The following KATNA1 variants were observed in gnomAD, a reference collection of about 807,000 sequenced individuals.
KATNA1 encodes katanin p60 ATPase-containing subunit A1.
Under a neutral mutation model 62.6 loss-of-function variants are expected in KATNA1, and 42 were observed. That is an observed-to-expected ratio of 0.67 (90% confidence interval 0.52 to 0.87). KATNA1 has a LOEUF of 0.87. Among genes scored for constraint, KATNA1 ranks in the 40% least tolerant of loss-of-function variants. KATNA1 has a pLI of 0.00. For missense variants in KATNA1, 498 were observed against 612.5 expected, an observed-to-expected ratio of 0.81 and a Z score of 1.97; for synonymous variants, 186 against 201.9, an observed-to-expected ratio of 0.92 and a Z score of 0.67.
chr6:149,640,116 C>T (rs7740278), intron 1 of KATNA1, among the ~76,000 whole-genome samples: 69,988 of 151,972 alleles, frequency 0.46, 17,416 homozygotes, highest in East Asian at 0.81. Flanking sequence ...TCAGGAGTTA[C>T]GCTATAAACA....
At position 149,632,821 on chromosome 6, in the gene KATNA1, T is replaced by G. The variant is rs1433212564; in HGVS notation, c.258A>C (p.Ala86=). 4 of 1,613,910 alleles carry G rather than the reference T, an allele frequency of 2.5e-6. No individual in the cohort carries two copies. The African/African-American group carries it at 5.3e-5, about 22-fold the overall frequency. Residue 86 remains alanine, a synonymous_variant, in exon 3 of 11, where the codon GCA becomes GCC. Coordinates refer to ENST00000367411, the MANE Select transcript of KATNA1 (RefSeq NM_007044.4). ...FKLDSTPLKA[A]QHDLPASEGE... ...CCTCAGAAGCTGGAAGGTCATGCTG[T>G]GCCGCTTTCAAGGGAGTGCTGTCCA... is the stretch of plus-strand genomic sequence containing the variant.
intron 4 of KATNA1, among the ~76,000 whole-genome samples, chr6:149,616,638 C>T (rs760541153): frequency 1.2e-4 from 18 of 152,144 alleles, no homozygotes; most frequent in Non-Finnish European, 2.5e-4. Flanking sequence ...CCTGTAATCC[C>T]AGACACTTGG....
rs1358602443 is a variant in KATNA1 at position 149,613,201 on chromosome 6, A to C, written c.502-8419T>G. Among the ~76,000 whole-genome samples, 479 of 142,704 alleles carry C rather than the reference A, an allele frequency of 3.4e-3. 13 individuals carry two copies. The highest frequency in any genetic ancestry group is 0.012 in the African/African-American group (458 of 38,556). 93.6% of individuals were successfully genotyped at this position (142,704 alleles called of 152,430 possible). On this transcript the variant is annotated intron_variant, in intron 4 of 10. Transcript: ENST00000367411. ...TCTCAAAAAAAAAAAAAAAAAAAAA[A>C]AAAAAAAAAAAAAAAAGAACATCTA...
chr6:149,604,582 G>A (rs1778662704), intron 5 of KATNA1, 79 bp downstream of exon 5: 1 of 1,460,104 alleles, frequency 6.8e-7, no homozygotes. Context: ...CTGCTCTTCA[G>A]TACATGCTCA....
intron 4 of KATNA1, among the ~76,000 whole-genome samples, chr6:149,622,374 G>A (rs1449651221): frequency 6.6e-6 from 1 of 151,924 alleles, no homozygotes; most frequent in Non-Finnish European, 1.5e-5. Flanking sequence ...TAGTACTCAG[G>A]ATATACATTC....
intron 4 of KATNA1, among the ~76,000 whole-genome samples, chr6:149,615,686 AG>A (rs568183760): frequency 5.9e-5 from 9 of 152,118 alleles, no homozygotes; most frequent in Non-Finnish European, 1.2e-4. Flanking sequence ...GAGGCTGGGT[AG>A]GGGCGCGGAT....
intron 3 of KATNA1, among the ~76,000 whole-genome samples, chr6:149,626,292 CTTTTTTTT>C (rs544379629): frequency 1.1e-5 from 1 of 88,748 alleles, no homozygotes; most frequent in Non-Finnish European, 2.0e-5. Context: ...ATAACATTTA[CTTTTTTTT>C]TTTTTTTTTT....
intron 3 of KATNA1, among the ~76,000 whole-genome samples, chr6:149,626,166 C>T (rs982644212): frequency 7.2e-5 from 11 of 152,020 alleles, no homozygotes; most frequent in Middle Eastern, 3.4e-3. Context: ...AATGTGGAGT[C>T]GACCAATTGC....
At chr6:149,604,576 T>A in intron 5 of KATNA1, 85 bp downstream of exon 5, 1 of 1,401,482 alleles carries the variant, frequency 7.1e-7, no homozygotes, top group Non-Finnish European at 1.0e-6. Flanking sequence ...CAAGCTCTGC[T>A]CTTCAGTACA....
intron 7 of KATNA1, among the ~76,000 whole-genome samples, chr6:149,599,411 G>A (rs1778448280): frequency 6.6e-6 from 1 of 152,130 alleles, no homozygotes; most frequent in Admixed American, 6.5e-5. Flanking sequence ...AGGTTATGTA[G>A]AATGATCTGA....
At chr6:149,630,247 G>A (rs1298029072) in intron 3 of KATNA1, among the ~76,000 whole-genome samples, 4 of 152,216 alleles carry the variant, frequency 2.6e-5, no homozygotes, top group African/African-American at 7.2e-5. Flanking sequence ...GTGCGTATGA[G>A]GCAAGGGAAA....
chr6:149,645,340 G>A (rs976973799), intron 1 of KATNA1, among the ~76,000 whole-genome samples: 1 of 152,048 alleles, frequency 6.6e-6, no homozygotes, highest in African/African-American at 2.4e-5. Flanking sequence ...CTACTTGGGA[G>A]GCTGAGGCAG....
At chr6:149,597,985 T>TATA in intron 8 of KATNA1, 1 of 507,030 alleles carries the variant, frequency 2.0e-6, no homozygotes, top group Non-Finnish European at 3.5e-6. Context: ...GATAGTTGTA[T>TATA]ATACCAAAAG....
Position 149,641,293 on chromosome 6 carries a change from T to C in KATNA1, c.-13-2733A>G, listed in dbSNP as rs565874608. On this transcript the variant is annotated intron_variant, in intron 1 of 10. Coordinates refer to ENST00000367411, the MANE Select transcript of KATNA1 (RefSeq NM_007044.4). ...CCGGGTTCATGCCATTCTCCTGCCT[T>C]AGCCTCCCGAGTAGCTGGGACTACA... 7.3e-5 allele frequency among the ~76,000 whole-genome samples: 11 copies of C among 151,448 alleles called. No homozygotes were observed. In the South Asian group the frequency reaches 2.3e-3, roughly 32 times the overall value.
chr6:149,628,940 T>C (rs1425063552), intron 3 of KATNA1, among the ~76,000 whole-genome samples: 2 of 151,652 alleles, frequency 1.3e-5, no homozygotes, highest in African/African-American at 4.8e-5. Context: ...AAATAAATTA[T>C]AGGAAGAAAC....
intron 4 of KATNA1, among the ~76,000 whole-genome samples, chr6:149,606,705 G>A (rs1778754298): frequency 6.7e-6 from 1 of 149,074 alleles, no homozygotes; most frequent in African/African-American, 2.5e-5. Flanking sequence ...TGCAACCTCT[G>A]CTTCCCCGGT....
Position 149,644,161 on chromosome 6 carries a change from C to A in KATNA1, c.-14+4308G>T, listed in dbSNP as rs540097484. Among the ~76,000 whole-genome samples, 8 of 152,114 alleles carry A rather than the reference C, an allele frequency of 5.3e-5. 1 individual carries two copies. Among genetic ancestry groups the A allele is most frequent in the Admixed American group, 3.9e-4 (6 of 15,256 alleles). ...GCCCTACAGAGACACCTAGTCTGGG[C>A]AAGGGTGTTAGAAAAGTATAATTGG... On this transcript the variant is annotated intron_variant, in intron 1 of 10. Coordinates refer to ENST00000367411, the MANE Select transcript of KATNA1 (RefSeq NM_007044.4).
At position 149,641,389 on chromosome 6, in the gene KATNA1, G is replaced by A. The variant is rs1240749734; in HGVS notation, c.-13-2829C>T. On this transcript the variant is annotated intron_variant, in intron 1 of 10. Transcript: ENST00000367411. ...GATGGGGTTTCACCATGTTAGCCAG[G>A]ATGGTCTTAATCTCCTGACCTCAGG... is the stretch of plus-strand genomic sequence containing the variant. Among the ~76,000 whole-genome samples, 4 of 148,998 alleles carry A rather than the reference G, an allele frequency of 2.7e-5. No homozygotes were observed. In the East Asian group the frequency reaches 8.1e-4, roughly 30 times the overall value.
At chr6:149,616,218 T>A (rs1779162198) in intron 4 of KATNA1, among the ~76,000 whole-genome samples, 1 of 152,172 alleles carries the variant, frequency 6.6e-6, no homozygotes, top group South Asian at 2.1e-4. Flanking sequence ...AAATGGTAAA[T>A]TTTATGTTAT....
Sources: allele counts gnomAD v4.1 joint callset (sites outside exome capture counted in the v4.1 genomes callset), GRCh38; gene constraint gnomAD v4.1.1; transcripts MANE v1.5; gene names NCBI Gene and HGNC (gene_info 2026-07-23, HGNC 2026-07-21).